Variants in PER1 observed in about 807,000 individuals in gnomAD.
PER1 encodes period circadian regulator 1.
PER1 carries 87 observed loss-of-function variants against 125.9 expected under a neutral mutation model. The ratio of observed to expected loss-of-function variants is 0.69; its 90% CI spans 0.58 to 0.83. The LOEUF (loss-of-function observed/expected upper bound fraction) is 0.83, where lower values mean the gene tolerates loss of function less well. PER1 is among the 40% of genes least tolerant of loss of function. The probability of loss-of-function intolerance (pLI) is 0.00; values close to 1 mark genes in which losing one functional copy is unlikely to be tolerated. For synonymous variants in PER1, 801 were observed against 714.7 expected (o/e 1.12, Z -1.93); for missense variants, 1,775 against 1,722.8 (o/e 1.03, Z -0.54).
chr17:8,141,363 AG>A (rs776904792), intron 22 of PER1, 23 bp from the exon 23 acceptor site: 31 of 1,579,530 alleles, frequency 2.0e-5, no homozygotes, highest in Non-Finnish European at 2.6e-5. Flanking sequence ...AATGGACATG[AG>A]AGAGTCAGAC....
At position 8,146,866 on chromosome 17, in the gene PER1, T is replaced by A; in HGVS notation, c.1735+31A>T. 2.5e-6 allele frequency: 4 copies of A among 1,609,598 alleles called. No homozygotes were observed. The Middle Eastern group carries it at 6.6e-4, about 266-fold the overall frequency. On this transcript the variant is annotated intron_variant, in intron 14 of 22. Transcript: ENST00000317276. ...AAGGTCAGGGGACCCCCCAGGTCTG[T>A]CTCTTCACCCACACATCATCATCAA...
chr17:8,141,557 G>A (rs546438989), intron 22 of PER1, among the ~76,000 whole-genome samples: 12 of 152,328 alleles, frequency 7.9e-5, no homozygotes, highest in Middle Eastern at 3.4e-3. Context: ...ATTAGCATAG[G>A]ATAGGCTGTG....
chr17:8,148,207 G>C lies in PER1; in HGVS notation c.1101C>G (p.Ser367Arg), dbSNP rs775496794. The C allele has an allele frequency of 1.2e-6, 2 of 1,614,122 alleles. No homozygotes were observed. The highest frequency in any genetic ancestry group is 2.7e-5 in the African/African-American group (2 of 75,036). Residue 367 changes from serine to arginine, a missense_variant, in exon 9 of 23, where the codon AGC (serine) becomes AGG (arginine). Ser to Arg is a moderately radical substitution (Grantham distance 110). Coordinates refer to ENST00000317276, the MANE Select transcript of PER1 (RefSeq NM_002616.3). ...KRIFTTRHTP[S>R]CLFQDVDERA... ...TTTCATCCACATCCTGGAAGAGGCA[G>C]CTGGGTGTGTGCCGCGTAGTGAAAA...
At chr17:8,149,691 A>G (rs201814691) in intron 5 of PER1, 28 bp from the exon 6 acceptor site, 1 of 1,610,600 alleles carries the variant, frequency 6.2e-7, no homozygotes, top group Non-Finnish European at 8.5e-7. Context: ...GCAAGAGCAG[A>G]TTCAAGAGCT....
chr17:8,143,973 C>T, intron 18 of PER1, 97 bp from the exon 19 acceptor site: 1 of 1,488,244 alleles, frequency 6.7e-7, no homozygotes, highest in Non-Finnish European at 8.9e-7. Context: ...AGAGGACAGG[C>T]CAAGGTCCCA....
At position 8,140,908 on chromosome 17, in the gene PER1, C is replaced by A. The variant is rs1982038738; in HGVS notation, c.*160G>T. 5 of 790,232 alleles carry A rather than the reference C, an allele frequency of 6.3e-6. No homozygotes were observed. In the South Asian group the frequency reaches 8.9e-5, roughly 14 times the overall value. The allele number at this position is 790,232 out of a possible 1,614,324, so 49.0% of individuals were successfully genotyped here. ...CTGCTCCCTAAGAGGCCAGAGGCAG[C>A]CCCTGGATCCTAGGCTGGTGATGGG... is the stretch of plus-strand genomic sequence containing the variant. On this transcript the variant is annotated 3_prime_UTR_variant, in exon 23 of 23. Transcript: ENST00000317276.
In PER1 at chr17:8,149,599, G is replaced by A. The variant is rs1307272592; in HGVS notation, c.716C>T (p.Ala239Val). ...GTCCCGCTTGCAACGCAGCAGGACG[G>A]CTGCCTGCTCCGAAATGTAGACGAT... Reference protein sequence around the residue: ...GRIVYISEQAAVLLRCKRDVF... With the variant: ...GRIVYISEQAVVLLRCKRDVF... The change falls in exon 6 of 23, where the codon GCC (alanine) becomes GTC (valine). Residue 239 changes from alanine (A) to valine (V), a missense_variant. By Grantham distance (64) the Ala-to-Val change is moderately conservative (BLOSUM62 0). Coordinates refer to ENST00000317276, the MANE Select transcript of PER1 (RefSeq NM_002616.3). 2 of 1,613,318 alleles carry A rather than the reference G, an allele frequency of 1.2e-6. No homozygotes were observed. The highest frequency in any genetic ancestry group is 1.7e-6 in the Non-Finnish European group (2 of 1,179,360).
intron 17 of PER1, 67 bp downstream of exon 17, chr17:8,145,891 G>T (rs974438347): frequency 1.3e-5 from 20 of 1,511,022 alleles, no homozygotes; most frequent in Non-Finnish European, 1.8e-5. Context: ...GAGGGGAAAG[G>T]CAGGAGGGAG....
chr17:8,140,947 A>G lies in PER1; in HGVS notation c.*121T>C. On this transcript the variant is annotated 3_prime_UTR_variant, in exon 23 of 23. Coordinates refer to ENST00000317276, the MANE Select transcript of PER1 (RefSeq NM_002616.3). ...GCTGGTGATGGGGGTCCGGCCCCCT[A>G]TGGTGGGAGAAGCTGGGGCAGTTTC... The G allele has an allele frequency of 8.6e-7, 1 of 1,167,700 alleles. No homozygotes were observed. Among genetic ancestry groups the G allele is most frequent in the Non-Finnish European group, 1.2e-6 (1 of 817,552 alleles). 72.3% of individuals were successfully genotyped at this position (1,167,700 alleles called of 1,614,324 possible). A position where few individuals can be genotyped will look rare whatever the true frequency, so the allele number is the denominator to read the frequency against.
Position 8,149,672 on chromosome 17 carries a change from AG to A in PER1, c.652-10del. The stretch of plus-strand genomic sequence containing the variant: ...GCCACTGAGAAGGTATCCTGGCAGG[AG>A]GGGGAGAGCAAGAGCAGATTCAAGA... On this transcript the variant is annotated splice_polypyrimidine_tract_variant and intron_variant, in intron 5 of 22. Transcript: ENST00000317276. 1.2e-6 allele frequency: 2 copies of A among 1,609,400 alleles called. No individual in the cohort carries two copies. Among genetic ancestry groups the A allele is most frequent in the Non-Finnish European group, 1.7e-6 (2 of 1,176,112 alleles).
Position 8,147,285 on chromosome 17 carries a change from C to T in PER1, c.1594G>A (p.Gly532Arg), listed in dbSNP as rs778176702. The T allele has an allele frequency of 6.8e-6, 11 of 1,613,024 alleles. No homozygotes were observed. The highest frequency in any genetic ancestry group is 2.2e-5 in the East Asian group (1 of 44,842). ...GGCCCAGGCCCCTCTGCATCACCCC[C>T]GTTGCTATCACTGGAGGACCCAGGG... Reference protein sequence around the residue: ...HSPGSSSDSNGGDAEGPGPPA... With the variant: ...HSPGSSSDSNRGDAEGPGPPA... The change falls in exon 13 of 23, where the codon GGG becomes AGG. Residue 532 changes from glycine to arginine, a missense_variant. Coordinates refer to ENST00000317276, the MANE Select transcript of PER1 (RefSeq NM_002616.3).
At chr17:8,142,069 A>C (rs1568023029) in intron 21 of PER1, 114 bp from the exon 22 acceptor site, 2 of 1,407,086 alleles carry the variant, frequency 1.4e-6, no homozygotes, top group African/African-American at 2.8e-5. Flanking sequence ...CCTCCCCTAA[A>C]CTAGTGCTAT....
chr17:8,147,862 G>A (rs764450138), intron 10 of PER1, 35 bp from the exon 11 acceptor site: 8 of 1,612,058 alleles, frequency 5.0e-6, no homozygotes, highest in Non-Finnish European at 6.8e-6. Flanking sequence ...CGGTCAAAGG[G>A]AGGGAGAGCT....
At chr17:8,145,065 C>CT in intron 17 of PER1, 72 bp from the exon 18 acceptor site, 1 of 1,354,534 alleles carries the variant, frequency 7.4e-7, no homozygotes. Context: ...CACACCCTCC[C>CT]TGTCTGATAG....
rs749766288 is a variant in PER1, at chr17:8,147,343, G to T, written c.1536C>A (p.Val512=). The T allele has an allele frequency of 1.2e-6, 2 of 1,613,626 alleles. No individual in the cohort carries two copies. Among genetic ancestry groups the T allele is most frequent in the East Asian group, 4.5e-5 (2 of 44,866 alleles). The part of the protein sequence containing the change: ...HSPSPTGLCG[V]GAVTSPGPLH... ...GAGGGCCTGGGGATGTCACGGCGCC[G>T]ACTCCACAGAGTCCCGTGGGGCTGG... The change falls in exon 13 of 23, where the codon GTC becomes GTA. Residue 512 remains valine (V), a synonymous_variant. Transcript: ENST00000317276.
rs776761816 is a variant in PER1, at chr17:8,145,016, AG to A, written c.2219-24del. The A allele has an allele frequency of 9.0e-6, 13 of 1,448,172 alleles. No homozygotes were observed. The African/African-American group carries it at 1.6e-4, about 18-fold the overall frequency. The allele number at this position is 1,448,172 out of a possible 1,614,324, so 89.7% of individuals were successfully genotyped here. A position where few individuals can be genotyped will look rare whatever the true frequency, so the allele number is the denominator to read the frequency against. On this transcript the variant is annotated intron_variant, in intron 17 of 22. Coordinates refer to ENST00000317276, the MANE Select transcript of PER1 (RefSeq NM_002616.3). ...TGTCTGAGGAGAGTGAGATAGGGAA[AG>A]GTCATCAGAACCACTTCAGGGGTCA... is the stretch of plus-strand genomic sequence containing the variant.
At chr17:8,144,633 G>T in intron 18 of PER1, 118 bp downstream of exon 18, 1 of 1,371,476 alleles carries the variant, frequency 7.3e-7, no homozygotes, top group Non-Finnish European at 1.0e-6. Context: ...GGGCCTAGTG[G>T]TGGAAGCAAC....
chr17:8,141,946 G>C lies in PER1; in HGVS notation c.3459C>G (p.Thr1153=). ...GCTCCCGATCCTGCTTCAGCACAGA[G>C]GTCATGTCCCTGCCCAAGAAGGGGT... The part of the protein sequence containing the change: ...MTYQVPSRDM[T]SVLKQDRERL... Residue 1153 remains threonine (T), a synonymous_variant, in exon 22 of 23, where the codon ACC becomes ACG. Coordinates refer to ENST00000317276, the MANE Select transcript of PER1 (RefSeq NM_002616.3). 1.2e-6 allele frequency: 2 copies of C among 1,613,916 alleles called. No homozygotes were observed. The highest frequency in any genetic ancestry group is 1.7e-6 in the Non-Finnish European group (2 of 1,180,016).
Position 8,146,615 on chromosome 17 carries a change from T to C in PER1, c.1886A>G (p.Asn629Ser), listed in dbSNP as rs568864919. ...EASSCSYQQI[N>S]CLDSILRYLE... is the part of the protein sequence containing the mutation. ...TTACCTGAGGATGCTGTCCAGGCAGTTGATCTGCTGGTAGGAGCAGCTGGA... is the reference window on the plus strand; with the variant it reads ...TTACCTGAGGATGCTGTCCAGGCAGCTGATCTGCTGGTAGGAGCAGCTGGA... Residue 629 changes from asparagine (N) to serine (S), a missense_variant, in exon 15 of 23, where the codon AAC (asparagine) becomes AGC (serine). Coordinates refer to ENST00000317276, the MANE Select transcript of PER1 (RefSeq NM_002616.3). The C allele has an allele frequency of 6.2e-6, 10 of 1,611,724 alleles. No individual in the cohort carries two copies. The East Asian group carries it at 1.3e-4, about 22-fold the overall frequency.
Sources: allele counts gnomAD v4.1 joint callset (sites outside exome capture counted in the v4.1 genomes callset), GRCh38; gene constraint gnomAD v4.1.1; transcripts MANE v1.5; gene names NCBI Gene and HGNC (gene_info 2026-07-23, HGNC 2026-07-21).